The following CDK15 variants were observed in gnomAD, a reference collection of about 807,000 sequenced individuals.
The protein encoded by CDK15 is cyclin dependent kinase 15, also known as cyclin-dependent kinase 15.
A neutral mutation model predicts 60.3 loss-of-function variants in CDK15; 62 were observed. The observed-to-expected ratio is 1.03, with a 90% CI of 0.84 to 1.27. The LOEUF (loss-of-function observed/expected upper bound fraction) is 1.27. CDK15 is among the 50% of genes most tolerant of loss of function. The pLI, the probability that CDK15 is intolerant of heterozygous loss-of-function variation, is 0.00. For synonymous variants in CDK15, 194 were observed against 195.7 expected, an observed-to-expected ratio of 0.99 and a Z score of 0.07; for missense variants, 541 against 527.8, an observed-to-expected ratio of 1.03 and a Z score of -0.25.
chr2:201,840,059 A>C (rs1044344345), intron 8 of CDK15, among the ~76,000 whole-genome samples: 7 of 151,770 alleles, frequency 4.6e-5, no homozygotes, highest in Non-Finnish European at 1.0e-4. Flanking sequence ...ACCTCGGCTC[A>C]CTGCAACCTC....
At chr2:201,830,358 G>T (rs1696696532) in intron 6 of CDK15, among the ~76,000 whole-genome samples, 2 of 152,192 alleles carry the variant, frequency 1.3e-5, no homozygotes, top group Admixed American at 1.3e-4. Context: ...CAGGAAGGAA[G>T]GCATGGTCTA....
chr2:201,861,139 C>T, intron 10 of CDK15: 1 of 1,028,484 alleles, frequency 9.7e-7, no homozygotes, highest in Non-Finnish European at 1.2e-6. Context: ...CCAAGCTCCC[C>T]CTTTTACTAT....
chr2:201,851,282 A>G (rs1697893419), intron 9 of CDK15, among the ~76,000 whole-genome samples: 1 of 125,848 alleles, frequency 7.9e-6, no homozygotes, highest in African/African-American at 3.0e-5. Context: ...ACAGAGTGAG[A>G]CTTCATCTCA....
intron 12 of CDK15, among the ~76,000 whole-genome samples, chr2:201,887,206 G>A (rs537567830): frequency 4.6e-4 from 70 of 152,290 alleles, no homozygotes; most frequent in Non-Finnish European, 8.1e-4. Context: ...TAATAGAATT[G>A]TGTGATATTA....
intron 6 of CDK15, among the ~76,000 whole-genome samples, chr2:201,828,907 C>A (rs995188084): frequency 2.6e-5 from 4 of 152,182 alleles, no homozygotes; most frequent in Non-Finnish European, 5.9e-5. Flanking sequence ...ATGCCTTGGT[C>A]TTTCCAGTGA....
intron 13 of CDK15, among the ~76,000 whole-genome samples, chr2:201,891,160 C>A (rs949582055): frequency 2.0e-5 from 3 of 152,200 alleles, no homozygotes; most frequent in African/African-American, 7.2e-5. Flanking sequence ...GGATAAAGCT[C>A]CTAAGACAGA....
In CDK15 at chr2:201,807,929, G is replaced by A. The variant is rs763857342; in HGVS notation, c.345G>A (p.Ala115=). 4.0e-5 allele frequency: 65 copies of A among 1,613,908 alleles called. No individual in the cohort carries two copies. Among genetic ancestry groups the A allele is most frequent in the Non-Finnish European group, 5.2e-5 (61 of 1,180,000 alleles). Residue 115 remains alanine, a synonymous_variant, in exon 3 of 14, where the codon GCG becomes GCA. Transcript: ENST00000652192. The part of the protein sequence containing the change: ...NLEKLGEGSY[A]TVYKGISRIN... ...AGAAGCTGGGTGAAGGCTCTTATGC[G>A]ACAGTTTACAAGGGGATTAGCAGGT...
chr2:201,808,759 A>G (rs1695625610), intron 3 of CDK15: 1 of 152,234 alleles, frequency 6.6e-6, no homozygotes, highest in Non-Finnish European at 1.5e-5. Flanking sequence ...CTCCACTCCC[A>G]CTGCTTCACT....
At chr2:201,843,989 C>G (rs1559131095) in intron 8 of CDK15, among the ~76,000 whole-genome samples, 1 of 152,114 alleles carries the variant, frequency 6.6e-6, no homozygotes, top group Non-Finnish European at 1.5e-5. Flanking sequence ...AAGCTTCTTC[C>G]AGGCAATGGA....
In CDK15 at chr2:201,875,296, T is replaced by C. The variant is rs116785218; in HGVS notation, c.1058+2970T>C. Among the ~76,000 whole-genome samples the C allele has an allele frequency of 3.6e-3, 551 of 152,346 alleles. 2 individuals are homozygous for C. The highest frequency in any genetic ancestry group is 6.3e-3 in the Non-Finnish European group (430 of 68,036). On this transcript the variant is annotated intron_variant, in intron 11 of 13. Transcript: ENST00000652192. Reference sequence around the variant, plus strand: ...TGGGTTGGAATGAATTTATTATCCTTGCCCACAGGGATGAGCACGCTCTTA... The same window carrying C: ...TGGGTTGGAATGAATTTATTATCCTCGCCCACAGGGATGAGCACGCTCTTA...
intron 10 of CDK15, among the ~76,000 whole-genome samples, chr2:201,869,742 C>A (rs1323513025): frequency 2.0e-5 from 3 of 151,916 alleles, no homozygotes; most frequent in Non-Finnish European, 4.4e-5. Context: ...AAAAACACAG[C>A]ACATAGACCT....
intron 10 of CDK15, among the ~76,000 whole-genome samples, chr2:201,866,479 T>G (rs537025138): frequency 6.6e-6 from 1 of 152,348 alleles, no homozygotes; most frequent in African/African-American, 2.4e-5. Context: ...AGTTTGGAAA[T>G]TTAAATGCTC....
intron 12 of CDK15, among the ~76,000 whole-genome samples, chr2:201,888,061 TTC>T (rs890414814): frequency 2.0e-5 from 3 of 151,882 alleles, no homozygotes; most frequent in Non-Finnish European, 4.4e-5. Flanking sequence ...TGCTTGTGCT[TTC>T]TCTTTTAGCG....
At chr2:201,834,717 T>G (rs868266455) in intron 7 of CDK15, among the ~76,000 whole-genome samples, 1 of 152,198 alleles carries the variant, frequency 6.6e-6, no homozygotes, top group South Asian at 2.1e-4. Flanking sequence ...GCTTAATAAG[T>G]ACTTGTTGAA....
At position 201,806,687 on chromosome 2, in the gene CDK15, A is replaced by G. The variant is rs750597035; in HGVS notation, c.23A>G (p.Lys8Arg). The change falls in exon 1 of 14, where the codon AAG becomes AGG. Residue 8 changes from lysine (K) to arginine (R), a missense_variant. Transcript: ENST00000652192. ...ATTATGGGTCAAGAGCTGTGTGCAA[A>G]GACTGTACAGCCTGGATGCAGCTGC... is the stretch of plus-strand genomic sequence containing the variant. MGQELCA[K>R]TVQPGCSCYH... 6.9e-6 allele frequency: 11 copies of G among 1,597,092 alleles called. No individual in the cohort carries two copies. In the South Asian group the frequency reaches 1.2e-4, roughly 18 times the overall value.
chr2:201,845,211 T>G (rs1171668680), intron 8 of CDK15, among the ~76,000 whole-genome samples: 1 of 152,106 alleles, frequency 6.6e-6, no homozygotes. Flanking sequence ...AGGAAAAACC[T>G]GCTTGCAAAG....
rs530834542 is a variant in CDK15 at position 201,858,815 on chromosome 2, AG to A, written c.1009+3879del. Among the ~76,000 whole-genome samples the A allele has an allele frequency of 3.7e-4, 56 of 152,272 alleles. 1 individual carries two copies. The East Asian group carries it at 7.3e-3, about 20-fold the overall frequency. On this transcript the variant is annotated intron_variant, in intron 10 of 13. Coordinates refer to ENST00000652192, the MANE Select transcript of CDK15 (RefSeq NM_001366386.2). ...CTTGAAAAAAGAGGGAGGAGAAAAA[AG>A]TGTTTTGAGTAAGAGGTTTACAGGT...
chr2:201,871,321 AGTT>A (rs1243570717), intron 10 of CDK15, among the ~76,000 whole-genome samples: 5 of 151,988 alleles, frequency 3.3e-5, no homozygotes, highest in Middle Eastern at 3.4e-3. Context: ...CACCAGGCTC[AGTT>A]GTTGTTGTAG....
chr2:201,856,169 G>A (rs1698138412), intron 10 of CDK15, among the ~76,000 whole-genome samples: 1 of 152,142 alleles, frequency 6.6e-6, no homozygotes, highest in Non-Finnish European at 1.5e-5. Context: ...TCCTGGAAGG[G>A]TTTCCTGAGA....
Sources: allele counts gnomAD v4.1 joint callset (sites outside exome capture counted in the v4.1 genomes callset), GRCh38; gene constraint gnomAD v4.1.1; transcripts MANE v1.5; gene names NCBI Gene and HGNC (gene_info 2026-07-23, HGNC 2026-07-21).